The following CDKAL1 variants were observed in gnomAD, a reference collection of about 807,000 sequenced individuals.
The protein encoded by CDKAL1 is threonylcarbamoyladenosine tRNA methylthiotransferase.
CDKAL1 carries 32 observed loss-of-function variants against 68.2 expected under a neutral mutation model. That is an observed-to-expected ratio of 0.47 (90% confidence interval 0.35 to 0.63). The LOEUF is 0.63. Among genes scored for constraint, CDKAL1 ranks in the 30% least tolerant of loss-of-function variants. CDKAL1 has a pLI of 0.00. For missense variants in CDKAL1, 606 were observed against 696.7 expected, an observed-to-expected ratio of 0.87 and a Z score of 1.47; for synonymous variants, 234 against 244.3, an observed-to-expected ratio of 0.96 and a Z score of 0.39.
At chr6:21,034,805 A>G (rs1769483131) in intron 11 of CDKAL1, among the ~76,000 whole-genome samples, 1 of 152,200 alleles carries the variant, frequency 6.6e-6, no homozygotes, top group Non-Finnish European at 1.5e-5. Context: ...ACATTTTTTA[A>G]AAATCTTGCT....
intron 4 of CDKAL1, among the ~76,000 whole-genome samples, chr6:20,563,070 A>C (rs1231359865): frequency 1.3e-5 from 2 of 151,924 alleles, no homozygotes; most frequent in East Asian, 3.9e-4. Context: ...TGTTCTTTTT[A>C]ATTGAATTGC....
intron 5 of CDKAL1, among the ~76,000 whole-genome samples, chr6:20,663,232 G>GT (rs34470647): frequency 3.8e-4 from 58 of 150,740 alleles, no homozygotes; most frequent in South Asian, 8.4e-4. Context: ...GAAATGTAGT[G>GT]TTTTTTTTTC....
At chr6:21,010,867 A>G (rs1767972449) in intron 11 of CDKAL1, among the ~76,000 whole-genome samples, 1 of 152,042 alleles carries the variant, frequency 6.6e-6, no homozygotes, top group Admixed American at 6.6e-5. Context: ...GCAGATCATG[A>G]GGTCTGGAGA....
intron 15 of CDKAL1, among the ~76,000 whole-genome samples, chr6:21,218,063 A>G (rs1392445910): frequency 6.6e-6 from 1 of 152,212 alleles, no homozygotes; most frequent in Non-Finnish European, 1.5e-5. Context: ...TTTAAGAAGT[A>G]TGTCCTCCCT....
chr6:20,943,098 A>G (rs1764064468), intron 9 of CDKAL1, among the ~76,000 whole-genome samples: 1 of 150,112 alleles, frequency 6.7e-6, no homozygotes, highest in South Asian at 2.1e-4. Flanking sequence ...ATCTTTCTTT[A>G]TTAGTCTTTG....
chr6:20,840,141 G>A lies in CDKAL1; in HGVS notation c.639-5934G>A, dbSNP rs193113463. 1.7e-4 allele frequency among the ~76,000 whole-genome samples: 26 copies of A among 152,238 alleles called. No individual in the cohort carries two copies. In the East Asian group the frequency reaches 4.6e-3, roughly 27 times the overall value. Reference sequence around the variant, plus strand: ...TGAGCAAGTTTCTTGATCTTTTTGAGCCTCAGTTTCCTCTACGGAAGAATA... The same window carrying A: ...TGAGCAAGTTTCTTGATCTTTTTGAACCTCAGTTTCCTCTACGGAAGAATA... On this transcript the variant is annotated intron_variant, in intron 8 of 15. Coordinates refer to ENST00000274695, the MANE Select transcript of CDKAL1 (RefSeq NM_017774.3).
At chr6:20,562,656 T>A (rs1003062302) in intron 4 of CDKAL1, among the ~76,000 whole-genome samples, 5 of 151,836 alleles carry the variant, frequency 3.3e-5, no homozygotes, top group African/African-American at 1.2e-4. Context: ...GCAGAAGAAT[T>A]GCTTTGACCT....
intron 9 of CDKAL1, among the ~76,000 whole-genome samples, chr6:20,936,542 G>C (rs1470985401): frequency 2.0e-5 from 3 of 151,708 alleles, no homozygotes; most frequent in African/African-American, 4.8e-5. Context: ...GAGCCACCGC[G>C]CCCGGCCCAT....
chr6:21,225,947 C>A (rs958295817), intron 15 of CDKAL1, among the ~76,000 whole-genome samples: 13 of 152,086 alleles, frequency 8.5e-5, no homozygotes, highest in Admixed American at 6.5e-5. Flanking sequence ...TAATTTAATC[C>A]TCATAAAAAC....
rs182899501 is a variant in CDKAL1 at position 21,098,166 on chromosome 6, G to A, written c.1237-10235G>A. 1.1e-4 allele frequency among the ~76,000 whole-genome samples: 16 copies of A among 152,248 alleles called. No homozygotes were observed. In the East Asian group the frequency reaches 2.5e-3, roughly 24 times the overall value. ...ATTAATCACCTAAGTTTTAGAGCTC[G>A]GCGAATGGATTTTAGATATAAAGGA... On this transcript the variant is annotated intron_variant, in intron 12 of 15. Coordinates refer to ENST00000274695, the MANE Select transcript of CDKAL1 (RefSeq NM_017774.3).
intron 12 of CDKAL1, among the ~76,000 whole-genome samples, chr6:21,071,881 GT>G (rs1180313981): frequency 6.6e-6 from 1 of 152,120 alleles, no homozygotes; most frequent in Non-Finnish European, 1.5e-5. Context: ...GTGTGCTAGT[GT>G]TTAACAAGTG....
intron 8 of CDKAL1, among the ~76,000 whole-genome samples, chr6:20,837,497 T>G (rs1777996265): frequency 6.6e-6 from 1 of 152,240 alleles, no homozygotes; most frequent in East Asian, 1.9e-4. Context: ...TCCTTTGCTT[T>G]TAGAGTATAT....
chr6:20,837,412 T>A (rs1777993278), intron 8 of CDKAL1, among the ~76,000 whole-genome samples: 1 of 152,164 alleles, frequency 6.6e-6, no homozygotes, highest in African/African-American at 2.4e-5. Context: ...CTGTTTCCTG[T>A]GAGATTTCAC....
At chr6:20,845,936 A>C in intron 8 of CDKAL1, 139 bp from the exon 9 acceptor site, 1 of 515,116 alleles carries the variant, frequency 1.9e-6, no homozygotes, top group Non-Finnish European at 3.4e-6. Flanking sequence ...CATGGTAGAT[A>C]CTTGGTTTTT....
chr6:20,610,584 A>G (rs987345048), intron 4 of CDKAL1, among the ~76,000 whole-genome samples: 25 of 152,048 alleles, frequency 1.6e-4, no homozygotes, highest in Non-Finnish European at 2.9e-4. Flanking sequence ...CTCATGCACA[A>G]ACTTACCATA....
At chr6:20,875,626 GC>G (rs1760473131) in intron 9 of CDKAL1, among the ~76,000 whole-genome samples, 1 of 151,918 alleles carries the variant, frequency 6.6e-6, no homozygotes, top group African/African-American at 2.4e-5. Context: ...TGTTCCCTTG[GC>G]TTTTAAAAAT....
intron 7 of CDKAL1, among the ~76,000 whole-genome samples, chr6:20,759,996 TACTAC>T (rs1479879492): frequency 6.6e-6 from 1 of 152,178 alleles, no homozygotes; most frequent in Non-Finnish European, 1.5e-5. Flanking sequence ...GGGTGGTGTC[TACTAC>T]TTTCCACATG....
intron 6 of CDKAL1, among the ~76,000 whole-genome samples, chr6:20,753,036 C>T (rs922350064): frequency 1.3e-5 from 2 of 152,136 alleles, no homozygotes; most frequent in African/African-American, 4.8e-5. Flanking sequence ...ACACACTATG[C>T]AATTCACCCA....
intron 4 of CDKAL1, among the ~76,000 whole-genome samples, chr6:20,643,935 C>T (rs1768309618): frequency 6.6e-6 from 1 of 152,058 alleles, no homozygotes; most frequent in Non-Finnish European, 1.5e-5. Flanking sequence ...AGCGAATTTC[C>T]TGTCTCAGCC....
Sources: allele counts gnomAD v4.1 joint callset (sites outside exome capture counted in the v4.1 genomes callset), GRCh38; gene constraint gnomAD v4.1.1; transcripts MANE v1.5; gene names NCBI Gene and HGNC (gene_info 2026-07-23, HGNC 2026-07-21).